The following TGM2 variants were observed in gnomAD, a reference collection of about 807,000 sequenced individuals.
TGM2 encodes protein-glutamine gamma-glutamyltransferase 2.
TGM2 carries 53 observed loss-of-function variants against 75.6 expected under a neutral mutation model. The ratio of observed to expected loss-of-function variants is 0.70; its 90% CI spans 0.56 to 0.88. TGM2 has a LOEUF of 0.88. TGM2 is among the 40% of genes least tolerant of loss of function. The pLI is 0.00. For synonymous variants in TGM2, 374 were observed against 381.1 expected (o/e 0.98, Z 0.22); for missense variants, 842 against 928.5 (o/e 0.91, Z 1.21).
chr20:38,144,579 G>A (rs1456439699), intron 6 of TGM2, among the ~76,000 whole-genome samples: 1 of 152,232 alleles, frequency 6.6e-6, no homozygotes, highest in Non-Finnish European at 1.5e-5. Flanking sequence ...ACTGTGCTAA[G>A]TGATCTCTCC....
intron 3 of TGM2, among the ~76,000 whole-genome samples, chr20:38,152,702 C>T (rs2075127886): frequency 6.6e-6 from 1 of 152,244 alleles, no homozygotes; most frequent in Admixed American, 6.5e-5. Context: ...GGCCCTTTCC[C>T]ACCCATCAGA....
At chr20:38,137,801 G>A (rs1250155857) in intron 10 of TGM2, 1 of 404,970 alleles carries the variant, frequency 2.5e-6, no homozygotes. Context: ...AAGATGAGGT[G>A]AAACCAAACA....
chr20:38,135,404 T>TACACACACACACACACACACAC (rs111420640), intron 10 of TGM2, among the ~76,000 whole-genome samples: 86 of 147,422 alleles, frequency 5.8e-4, no homozygotes, highest in East Asian at 2.6e-3. Flanking sequence ...CCTAAATGTA[T>TACACACACACACACACACACAC]ACACACACAC....
intron 10 of TGM2, among the ~76,000 whole-genome samples, chr20:38,134,993 C>T (rs1420158455): frequency 1.3e-5 from 2 of 152,240 alleles, no homozygotes; most frequent in Non-Finnish European, 2.9e-5. Context: ...TTCTGTCCTC[C>T]CCTTCCTCTC....
At chr20:38,147,851 C>T (rs2075063737) in intron 5 of TGM2, 110 bp downstream of exon 5, 1 of 1,476,480 alleles carries the variant, frequency 6.8e-7, no homozygotes, top group African/African-American at 1.4e-5. Context: ...CAAGACTTAC[C>T]CATCTCCCGG....
At position 38,146,968 on chromosome 20, in the gene TGM2, T is replaced by C. The variant is rs560821430; in HGVS notation, c.682-74A>G. 4,137 of 1,515,442 alleles carry C rather than the reference T, an allele frequency of 2.7e-3. 16 individuals carry two copies. The highest frequency in any genetic ancestry group is 3.4e-3 in the Non-Finnish European group (3,799 of 1,118,654). 93.9% of individuals were successfully genotyped at this position (1,515,442 alleles called of 1,614,324 possible). A position where few individuals can be genotyped will look rare whatever the true frequency, so the allele number is the denominator to read the frequency against. On this transcript the variant is annotated intron_variant, in intron 5 of 12. Coordinates refer to ENST00000361475, the MANE Select transcript of TGM2 (RefSeq NM_004613.4). The stretch of plus-strand genomic sequence containing the variant: ...GCTGTGCCGCCTGGGTGAGCCTGAG[T>C]ACAGCAGGGGGTGAAAGCTGGGGAG...
At chr20:38,137,980 G>C in intron 10 of TGM2, 133 bp downstream of exon 10, 1 of 1,466,608 alleles carries the variant, frequency 6.8e-7, no homozygotes, top group Non-Finnish European at 9.1e-7. Context: ...AAGTGCTTAG[G>C]ACAGGGCCTG....
At position 38,150,869 on chromosome 20, in the gene TGM2, G is replaced by GC. The variant is rs2075107375; in HGVS notation, c.552+69dup. 5.9e-6 allele frequency: 7 copies of GC among 1,195,316 alleles called. No individual in the cohort carries two copies. The Middle Eastern group carries it at 5.7e-4, about 97-fold the overall frequency. 74.0% of individuals were successfully genotyped at this position (1,195,316 alleles called of 1,614,324 possible). ...CACTCCCACCTGTGCAGCTTTGGCT[G>GC]CCCCCAGACACAGGGCCGGGCACAC... On this transcript the variant is annotated intron_variant, in intron 4 of 12. Coordinates refer to ENST00000361475, the MANE Select transcript of TGM2 (RefSeq NM_004613.4).
chr20:38,142,303 C>G, intron 6 of TGM2, 104 bp from the exon 7 acceptor site: 1 of 1,555,746 alleles, frequency 6.4e-7, no homozygotes, highest in Non-Finnish European at 8.7e-7. Flanking sequence ...TACCTGCTGT[C>G]CAAGTGCTGA....
chr20:38,159,515 G>A (rs1409614103), intron 2 of TGM2, among the ~76,000 whole-genome samples: 1 of 145,302 alleles, frequency 6.9e-6, no homozygotes, highest in Non-Finnish European at 1.5e-5. Context: ...TAAAATAAAA[G>A]TTTTAAAAAA....
At chr20:38,156,157 G>A (rs1042716101) in intron 2 of TGM2, 68 bp from the exon 3 acceptor site, 2 of 1,563,640 alleles carry the variant, frequency 1.3e-6, no homozygotes, top group Non-Finnish European at 1.7e-6. Context: ...CACCTACGTG[G>A]GGTCCCCCAG....
chr20:38,164,624 AT>A (rs1391290829), intron 1 of TGM2, among the ~76,000 whole-genome samples: 1 of 152,086 alleles, frequency 6.6e-6, no homozygotes, highest in African/African-American at 2.4e-5. Flanking sequence ...TGTTGTCCTT[AT>A]TTTATAGGTG....
chr20:38,132,153 CT>C (rs1223457690), intron 11 of TGM2, among the ~76,000 whole-genome samples, 186 bp downstream of exon 11: 4 of 152,114 alleles, frequency 2.6e-5, no homozygotes, highest in Non-Finnish European at 4.4e-5. Flanking sequence ...TTCCTAGAGG[CT>C]ACGAGTCCCC....
At chr20:38,160,233 G>C (rs1018595313) in intron 2 of TGM2, among the ~76,000 whole-genome samples, 1 of 152,348 alleles carries the variant, frequency 6.6e-6, no homozygotes, top group Non-Finnish European at 1.5e-5. Flanking sequence ...ACTTCAGAAA[G>C]AGCTGGCCTT....
rs528865424 is a variant in TGM2, at chr20:38,149,504, C to G, written c.553-1415G>C. On this transcript the variant is annotated intron_variant, in intron 4 of 12. Transcript: ENST00000361475. ...CATCCTGGTTAACACGGTGAAACCC[C>G]GTCTCTACTAAAAAAATACAAAAAA... Among the ~76,000 whole-genome samples, 8 of 151,940 alleles carry G rather than the reference C, an allele frequency of 5.3e-5. 1 individual carries two copies. In the South Asian group the frequency reaches 1.7e-3, roughly 32 times the overall value.
chr20:38,141,522 T>C, intron 7 of TGM2, 137 bp from the exon 8 acceptor site: 8 of 718,722 alleles, frequency 1.1e-5, no homozygotes, highest in Middle Eastern at 3.7e-4. Context: ...GTCTCCCCAC[T>C]GCCTTGTTCT....
intron 6 of TGM2, among the ~76,000 whole-genome samples, chr20:38,142,980 C>T (rs2074994536): frequency 6.6e-6 from 1 of 152,264 alleles, no homozygotes. Flanking sequence ...GCATTCATAG[C>T]ACGGCTGGAG....
intron 10 of TGM2, 129 bp downstream of exon 10, chr20:38,137,984 G>C (rs917400565): frequency 1.4e-6 from 2 of 1,468,886 alleles, no homozygotes; most frequent in African/African-American, 1.4e-5. Flanking sequence ...GCTTAGGACA[G>C]GGCCTGCCCC....
At chr20:38,141,495 C>A in intron 7 of TGM2, 110 bp from the exon 8 acceptor site, 2 of 838,394 alleles carry the variant, frequency 2.4e-6, no homozygotes, top group South Asian at 1.5e-5. Flanking sequence ...CGCCTCGTCC[C>A]AAACTGAGCC....
Sources: allele counts gnomAD v4.1 joint callset (sites outside exome capture counted in the v4.1 genomes callset), GRCh38; gene constraint gnomAD v4.1.1; transcripts MANE v1.5; gene names NCBI Gene and HGNC (gene_info 2026-07-23, HGNC 2026-07-21).